MAN1A2: variants seen among roughly 807,000 people sequenced by gnomAD.
The protein encoded by MAN1A2 is mannosyl-oligosaccharide 1,2-alpha-mannosidase IB.
A neutral mutation model predicts 75.7 loss-of-function variants in MAN1A2; 26 were observed. That is an observed-to-expected ratio of 0.34 (90% CI 0.25 to 0.48). The LOEUF (loss-of-function observed/expected upper bound fraction) is 0.48. MAN1A2 is among the 20% of genes least tolerant of loss of function. The pLI, the probability that MAN1A2 is intolerant of heterozygous loss-of-function variation, is 0.99. For synonymous variants in MAN1A2, 247 were observed against 264.6 expected, an observed-to-expected ratio of 0.93 and a Z score of 0.65; for missense variants, 562 against 775.5, an observed-to-expected ratio of 0.72 and a Z score of 3.27.
At chr1:117,457,095 CTT>C in intron 6 of MAN1A2, among the ~76,000 whole-genome samples, 2 of 152,150 alleles carry the variant, frequency 1.3e-5, no homozygotes, top group East Asian at 3.9e-4. Context: ...ATTCGACTGA[CTT>C]TGAACAAAAT....
At chr1:117,484,551 A>C (rs961492410) in intron 8 of MAN1A2, among the ~76,000 whole-genome samples, 1 of 152,090 alleles carries the variant, frequency 6.6e-6, no homozygotes, top group Non-Finnish European at 1.5e-5. Context: ...AATTTACTGA[A>C]GACACGGAGA....
chr1:117,389,205 TC>T (rs1653639904), intron 1 of MAN1A2, among the ~76,000 whole-genome samples: 1 of 152,212 alleles, frequency 6.6e-6, no homozygotes, highest in Admixed American at 6.5e-5. Context: ...TTCTTCTTTT[TC>T]CTTTGGGTTT....
intron 10 of MAN1A2, among the ~76,000 whole-genome samples, chr1:117,498,279 T>C (rs908178194): frequency 6.6e-6 from 1 of 151,902 alleles, no homozygotes; most frequent in Non-Finnish European, 1.5e-5. Flanking sequence ...ATATTCAATT[T>C]TATATTAGGA....
intron 1 of MAN1A2, among the ~76,000 whole-genome samples, chr1:117,381,871 T>G (rs1303908698): frequency 6.6e-6 from 1 of 151,688 alleles, no homozygotes; most frequent in Non-Finnish European, 1.5e-5. Flanking sequence ...TTTTAATGAT[T>G]GCCATTCTAA....
intron 4 of MAN1A2, among the ~76,000 whole-genome samples, chr1:117,417,556 TATGTG>T (rs1456602748): frequency 5.6e-5 from 8 of 142,630 alleles, no homozygotes; most frequent in African/African-American, 1.8e-4. Context: ...TATATATATA[TATGTG>T]ATATATATGT....
intron 5 of MAN1A2, among the ~76,000 whole-genome samples, chr1:117,430,124 C>A: frequency 1.3e-5 from 1 of 79,664 alleles, no homozygotes; most frequent in Non-Finnish European, 2.5e-5. Flanking sequence ...GCTGGCCGGG[C>A]TGAGGGGCTC....
At chr1:117,451,449 G>A (rs1214730673) in intron 6 of MAN1A2, among the ~76,000 whole-genome samples, 4 of 152,292 alleles carry the variant, frequency 2.6e-5, no homozygotes, top group Admixed American at 1.3e-4. Context: ...ATAAGACTTT[G>A]GGGGACTGTT....
chr1:117,514,095 G>A (rs1363268281), intron 12 of MAN1A2, among the ~76,000 whole-genome samples: 2 of 152,160 alleles, frequency 1.3e-5, no homozygotes, highest in African/African-American at 4.8e-5. Context: ...GGGCACAGTG[G>A]CTCATGCCTG....
rs1311267691 is a variant in MAN1A2 at position 117,524,305 on chromosome 1, CA to C, written c.*1353del. 6.6e-6 allele frequency: 1 copy of C among 151,952 alleles called. No individual in the cohort carries two copies. The highest frequency in any genetic ancestry group is 1.5e-5 in the Non-Finnish European group (1 of 67,752). 9.4% of individuals were successfully genotyped at this position (151,952 alleles called of 1,614,324 possible). On this transcript the variant is annotated 3_prime_UTR_variant, in exon 13 of 13. Transcript: ENST00000356554. ...AAACTACTAGTTCTTTATATTTTGA[CA>C]AAAAGAACTTAAATTTTATCAGGAA...
In MAN1A2 at chr1:117,526,880, CTATATATATATATA is replaced by C. The variant is rs59022844; in HGVS notation, c.*3939_*3952del. ...TCTCTCTCTCTCTCTCTCTCTCTCT[CTATATATATATATA>C]TATATATATATATATGAGAGATATA... On this transcript the variant is annotated 3_prime_UTR_variant, in exon 13 of 13. Transcript: ENST00000356554. The C allele has an allele frequency of 1.8e-5, 1 of 54,522 alleles. No homozygotes were observed. The highest frequency in any genetic ancestry group is 8.2e-5 in the African/African-American group (1 of 12,264). 3.4% of individuals were successfully genotyped at this position (54,522 alleles called of 1,614,324 possible). A position where few individuals can be genotyped will look rare whatever the true frequency, so the allele number is the denominator to read the frequency against.
At chr1:117,397,758 TCTC>T (rs1647232753) in intron 1 of MAN1A2, among the ~76,000 whole-genome samples, 1 of 149,266 alleles carries the variant, frequency 6.7e-6, no homozygotes, top group Non-Finnish European at 1.5e-5. Context: ...TTCAAGCAAT[TCTC>T]CTGCCTCAGC....
chr1:117,458,497 C>CTA (rs1257024902), intron 6 of MAN1A2, among the ~76,000 whole-genome samples: 25 of 103,780 alleles, frequency 2.4e-4, no homozygotes, highest in East Asian at 1.5e-3. Flanking sequence ...ATATATATAT[C>CTA]TATATATATA....
At chr1:117,377,276 A>G (rs1348596677) in intron 1 of MAN1A2, among the ~76,000 whole-genome samples, 1 of 152,196 alleles carries the variant, frequency 6.6e-6, no homozygotes, top group Non-Finnish European at 1.5e-5. Context: ...ATATGTTTTC[A>G]TGACCTAGAT....
intron 1 of MAN1A2, among the ~76,000 whole-genome samples, chr1:117,401,166 T>C (rs1481403344): frequency 6.6e-6 from 1 of 151,150 alleles, no homozygotes; most frequent in African/African-American, 2.4e-5. Context: ...TTTTTTTCAG[T>C]GATCATAAGT....
chr1:117,430,025 TGGGGGG>T (rs1557946879), intron 5 of MAN1A2, among the ~76,000 whole-genome samples: 14 of 7,880 alleles, frequency 1.8e-3, no homozygotes, highest in African/African-American at 2.6e-3. Flanking sequence ...GCTGGCCGGG[TGGGGGG>T]CTGACCCCCC....
At chr1:117,448,815 G>A (rs1049200904) in intron 6 of MAN1A2, among the ~76,000 whole-genome samples, 2 of 152,130 alleles carry the variant, frequency 1.3e-5, no homozygotes, top group African/African-American at 2.4e-5. Flanking sequence ...CTACAAGCAT[G>A]AATTGTTTTA....
intron 11 of MAN1A2, among the ~76,000 whole-genome samples, chr1:117,500,141 C>A: frequency 6.6e-6 from 1 of 151,744 alleles, no homozygotes; most frequent in Non-Finnish European, 1.5e-5. Context: ...GTAAAGCGAA[C>A]GTTTCACAGT....
intron 1 of MAN1A2, among the ~76,000 whole-genome samples, chr1:117,397,805 C>T (rs1647243165): frequency 6.6e-6 from 1 of 151,912 alleles, no homozygotes; most frequent in African/African-American, 2.4e-5. Context: ...GCACCTACCA[C>T]CATGCCCAGC....
intron 1 of MAN1A2, among the ~76,000 whole-genome samples, chr1:117,383,011 G>T (rs1459594651): frequency 1.3e-5 from 2 of 152,060 alleles, no homozygotes; most frequent in African/African-American, 4.8e-5. Context: ...TTCCAATTTG[G>T]ATGTCTTTTA....
Sources: gnomAD v4.1 joint callset for allele counts (sites outside exome capture counted in the v4.1 genomes callset) on GRCh38, gnomAD v4.1.1 for gene constraint, MANE v1.5 for transcripts, NCBI Gene and HGNC (gene_info 2026-07-23, HGNC 2026-07-21) for gene names.